The following SLC7A8 variants were observed in gnomAD, a reference collection of about 807,000 sequenced individuals.
SLC7A8 encodes large neutral amino acids transporter small subunit 2.
In SLC7A8, 30 loss-of-function variants were observed where a neutral mutation model predicts 51.2. That is an observed-to-expected ratio of 0.59 (90% CI 0.44 to 0.80). The LOEUF is 0.80. Ranked by LOEUF, SLC7A8 falls within the 30% of genes least tolerant of loss-of-function variation. The pLI is 0.00. For missense variants in SLC7A8, 612 were observed against 674.4 expected (o/e 0.91, Z 1.03); for synonymous variants, 257 against 275.8 (o/e 0.93, Z 0.67).
intron 8 of SLC7A8, among the ~76,000 whole-genome samples, 178 bp downstream of exon 8, chr14:23,131,283 A>G (rs1279012077): frequency 3.9e-5 from 6 of 152,206 alleles, no homozygotes; most frequent in Non-Finnish European, 8.8e-5. Flanking sequence ...TCCTTGCTAT[A>G]TCTCTTGATA....
At chr14:23,170,135 AT>A (rs886126992) in intron 1 of SLC7A8, among the ~76,000 whole-genome samples, 6 of 152,228 alleles carry the variant, frequency 3.9e-5, no homozygotes, top group African/African-American at 1.4e-4. Context: ...AGGTCATATC[AT>A]TCCTATTTTA....
At chr14:23,135,925 T>C (rs764277821) in intron 7 of SLC7A8, among the ~76,000 whole-genome samples, 1 of 152,166 alleles carries the variant, frequency 6.6e-6, no homozygotes, top group Non-Finnish European at 1.5e-5. Flanking sequence ...TTTACTCTCC[T>C]AAGAGAAAAG....
chr14:23,174,114 T>C (rs2048988190), intron 1 of SLC7A8, among the ~76,000 whole-genome samples: 1 of 152,364 alleles, frequency 6.6e-6, no homozygotes, highest in East Asian at 1.9e-4. Context: ...GGCATGCCGA[T>C]GCAAATCATG....
chr14:23,182,055 G>A (rs1033533194), intron 1 of SLC7A8, among the ~76,000 whole-genome samples: 1 of 152,156 alleles, frequency 6.6e-6, no homozygotes, highest in African/African-American at 2.4e-5. Flanking sequence ...AGTTACTCCT[G>A]ATTCCCTCTG....
intron 6 of SLC7A8, among the ~76,000 whole-genome samples, chr14:23,138,838 C>A (rs558401344): frequency 6.6e-6 from 1 of 152,270 alleles, no homozygotes; most frequent in Non-Finnish European, 1.5e-5. Flanking sequence ...TCTTTACAGT[C>A]TTTTGAGATA....
chr14:23,139,493 G>T lies in SLC7A8; in HGVS notation c.843C>A (p.Val281=). The T allele has an allele frequency of 1.2e-6, 2 of 1,614,190 alleles. No homozygotes were observed. Among genetic ancestry groups the T allele is most frequent in the Non-Finnish European group, 1.7e-6 (2 of 1,180,020 alleles). ...CAGTGACATAAGCGACATTGGCAAA[G>T]ACATACACAAATGTGACCAGTGGGA... ...ISIPLVTFVY[V]FANVAYVTAM... The change falls in exon 6 of 11, where the codon GTC becomes GTA. Residue 281 remains valine (V), a synonymous_variant. Transcript: ENST00000316902.
chr14:23,182,892 C>T lies in SLC7A8; in HGVS notation c.23G>A (p.Arg8Gln). 1 of 1,614,122 alleles carries T rather than the reference C, an allele frequency of 6.2e-7. No homozygotes were observed. The highest frequency in any genetic ancestry group is 1.1e-5 in the South Asian group (1 of 91,080). The change falls in exon 1 of 11, where the codon CGA (arginine) becomes CAA (glutamine). Residue 8 changes from arginine to glutamine, a missense_variant. Physicochemically the swap from Arg to Gln is conservative, Grantham distance 43 (BLOSUM62 1). Transcript: ENST00000316902. The stretch of plus-strand genomic sequence containing the variant: ...TGGGTGTTTCTTTTCGGTGTTGTTT[C>T]GGTGCCTGGCTCCTTCTTCCATCCT... Reference protein sequence around the residue: MEEGARHRNNTEKKHPGG... With the variant: MEEGARHQNNTEKKHPGG...
intron 3 of SLC7A8, among the ~76,000 whole-genome samples, chr14:23,143,556 C>A (rs2048764714): frequency 6.6e-6 from 1 of 152,156 alleles, no homozygotes; most frequent in Non-Finnish European, 1.5e-5. Flanking sequence ...AAGCTGTGAG[C>A]AGCTGGTGGG....
At chr14:23,151,749 TAAA>T (rs60024939) in intron 3 of SLC7A8, among the ~76,000 whole-genome samples, 64 of 100,852 alleles carry the variant, frequency 6.3e-4, no homozygotes, top group Non-Finnish European at 8.8e-4. Flanking sequence ...CCCTGTCTCT[TAAA>T]AAAAAAAAAA....
At position 23,137,993 on chromosome 14, in the gene SLC7A8, G is replaced by C. The variant is rs767775095; in HGVS notation, c.944C>G (p.Ala315Gly). The change falls in exon 7 of 11, where the codon GCC (alanine) becomes GGC (glycine). Residue 315 changes from alanine (A) to glycine (G), a missense_variant. By Grantham distance (60) the Ala-to-Gly change is moderately conservative (BLOSUM62 0). Transcript: ENST00000316902. Reference sequence around the variant, plus strand: ...GGCAACAGAAATGGGCATGATCCAGGCCATGACTCCTAGGAGCTTCTCTCC... The same window carrying C: ...GGCAACAGAAATGGGCATGATCCAGCCCATGACTCCTAGGAGCTTCTCTCC... ...TFGEKLLGVMAWIMPISVALS... is the reference protein window; with the variant it reads ...TFGEKLLGVMGWIMPISVALS... 2 of 1,613,924 alleles carry C rather than the reference G, an allele frequency of 1.2e-6. No homozygotes were observed. The highest frequency in any genetic ancestry group is 8.5e-7 in the Non-Finnish European group (1 of 1,179,996).
chr14:23,150,843 ATC>A (rs926164814), intron 3 of SLC7A8, among the ~76,000 whole-genome samples: 2 of 152,040 alleles, frequency 1.3e-5, no homozygotes, highest in African/African-American at 2.4e-5. Flanking sequence ...TCAATTTCTA[ATC>A]TGTTTCATCT....
intron 1 of SLC7A8, among the ~76,000 whole-genome samples, chr14:23,180,194 CCG>C (rs1877112854): frequency 6.6e-6 from 1 of 152,216 alleles, no homozygotes; most frequent in Non-Finnish European, 1.5e-5. Context: ...GTGTGAGCCA[CCG>C]CACCCGGCCC....
rs2048573273 is a variant in SLC7A8, at chr14:23,126,063, G to A, written c.*1114C>T. The A allele has an allele frequency of 6.5e-6, 1 of 152,776 alleles. No individual in the cohort carries two copies. The highest frequency in any genetic ancestry group is 1.5e-5 in the Non-Finnish European group (1 of 68,132). 9.5% of individuals were successfully genotyped at this position (152,776 alleles called of 1,614,324 possible). A position where few individuals can be genotyped will look rare whatever the true frequency, so the allele number is the denominator to read the frequency against. ...TGCTCTCCTCAGTCTCCCAGGGTAT[G>A]GAATGGGCACCTCTAGGGAGGGGGA... On this transcript the variant is annotated 3_prime_UTR_variant, in exon 11 of 11. Transcript: ENST00000316902.
intron 1 of SLC7A8, among the ~76,000 whole-genome samples, chr14:23,173,130 A>G (rs1163723647): frequency 6.6e-6 from 1 of 152,192 alleles, no homozygotes; most frequent in Non-Finnish European, 1.5e-5. Context: ...TTCAATACTC[A>G]CCATGTACTA....
chr14:23,163,542 G>A (rs886596371), intron 3 of SLC7A8, among the ~76,000 whole-genome samples: 2 of 152,194 alleles, frequency 1.3e-5, no homozygotes, highest in African/African-American at 4.8e-5. Flanking sequence ...CAAGGAGACC[G>A]CCTCTTGGGT....
At chr14:23,147,720 A>G (rs1484568178) in intron 3 of SLC7A8, among the ~76,000 whole-genome samples, 1 of 152,200 alleles carries the variant, frequency 6.6e-6, no homozygotes, top group Non-Finnish European at 1.5e-5. Flanking sequence ...TTAAGAAGAC[A>G]AGAGTTCAAG....
rs145299423 is a variant in SLC7A8, at chr14:23,157,304, A to G, written c.508+7981T>C. The stretch of plus-strand genomic sequence containing the variant: ...AATGCATCTACTTTTCTCTACTCCC[A>G]CTGCCCCAAGATGCACATGATAGTC... On this transcript the variant is annotated intron_variant, in intron 3 of 10. Transcript: ENST00000316902. Among the ~76,000 whole-genome samples the G allele has an allele frequency of 7.4e-4, 113 of 152,236 alleles. 1 individual carries two copies. The highest frequency in any genetic ancestry group is 2.7e-3 in the African/African-American group (113 of 41,548).
Position 23,129,688 on chromosome 14 carries a change from G to A in SLC7A8, c.1225C>T (p.Leu409Phe). The change falls in exon 9 of 11, where the codon CTT becomes TTT. Residue 409 changes from leucine to phenylalanine, a missense_variant. Leu to Phe is a conservative substitution (Grantham distance 22). Coordinates refer to ENST00000316902, the MANE Select transcript of SLC7A8 (RefSeq NM_012244.4). The stretch of plus-strand genomic sequence containing the variant: ...GGGATATCAGGCTTCTTCCAGCGAA[G>A]GACTATCTGTCCAGCAACCGTGACC... The part of the protein sequence containing the change: ...YGVTVAGQIV[L>F]RWKKPDIPRP... The A allele has an allele frequency of 6.2e-7, 1 of 1,614,220 alleles. No homozygotes were observed. The highest frequency in any genetic ancestry group is 1.7e-5 in the Admixed American group (1 of 60,026).
intron 7 of SLC7A8, among the ~76,000 whole-genome samples, chr14:23,134,478 G>A (rs937418595): frequency 2.7e-5 from 4 of 147,766 alleles, no homozygotes; most frequent in African/African-American, 9.9e-5. Context: ...TAAGGAAAAG[G>A]AAAAAATGAA....
Sources: gnomAD v4.1 joint callset for allele counts (sites outside exome capture counted in the v4.1 genomes callset) on GRCh38, gnomAD v4.1.1 for gene constraint, MANE v1.5 for transcripts, NCBI Gene and HGNC (gene_info 2026-07-23, HGNC 2026-07-21) for gene names.